The following RADIL variants were observed in gnomAD, a reference collection of about 807,000 sequenced individuals.
RADIL encodes the protein Rap associating with DIL domain.
In RADIL, 99 loss-of-function variants were observed where a neutral mutation model predicts 97.6. The ratio of observed to expected loss-of-function variants is 1.01; its 90% CI spans 0.86 to 1.20. The LOEUF is 1.20. Ranked by LOEUF, RADIL falls within the 50% of genes most tolerant of loss-of-function variation. The pLI is 0.00. For synonymous variants in RADIL, 803 were observed against 691.8 expected, an observed-to-expected ratio of 1.16 and a Z score of -2.52; for missense variants, 1,765 against 1,498.9, an observed-to-expected ratio of 1.18 and a Z score of -2.93.
intron 5 of RADIL, among the ~76,000 whole-genome samples, chr7:4,829,633 T>G (rs182589493): frequency 7.2e-4 from 109 of 152,192 alleles, no homozygotes; most frequent in African/African-American, 2.5e-3. Flanking sequence ...AATTCCCACA[T>G]GTTGTGGGAG....
chr7:4,878,844 C>T lies in RADIL; in HGVS notation c.-64-641G>A, dbSNP rs1197815643. ...CACCATCACAGCCACAGAAGAGCAGCGGGCAGCCCAAGGGCAAAGCTTCGC... is the reference window on the plus strand; with the variant it reads ...CACCATCACAGCCACAGAAGAGCAGTGGGCAGCCCAAGGGCAAAGCTTCGC... On this transcript the variant is annotated intron_variant, in intron 1 of 14. Transcript: ENST00000399583. This position sits in a 1 kb window ranked among gnomAD's most constrained non-coding sequence, Gnocchi z 4.1. Among the ~76,000 whole-genome samples, 1 of 152,238 alleles carries T rather than the reference C, an allele frequency of 6.6e-6. No individual in the cohort carries two copies. The highest frequency in any genetic ancestry group is 1.5e-5 in the Non-Finnish European group (1 of 68,044).
rs1009727586 is a variant in RADIL, at chr7:4,878,231, G to A, written c.-64-28C>T. 1.7e-5 allele frequency: 23 copies of A among 1,329,996 alleles called. No homozygotes were observed. The highest frequency in any genetic ancestry group is 5.1e-5 in the East Asian group (2 of 39,428). The allele number at this position is 1,329,996 out of a possible 1,614,324, so 82.4% of individuals were successfully genotyped here. On this transcript the variant is annotated intron_variant, in intron 1 of 14. Coordinates refer to ENST00000399583, the MANE Select transcript of RADIL (RefSeq NM_018059.5). This position sits in a 1 kb window ranked among gnomAD's most constrained non-coding sequence, Gnocchi z 4.1. ...GGGTGAAAAAGTGAGAGAGGTTAGCGCCAACCATCGTGACCACCAAGAGCA... is the reference window on the plus strand; with the variant it reads ...GGGTGAAAAAGTGAGAGAGGTTAGCACCAACCATCGTGACCACCAAGAGCA...
In RADIL at chr7:4,816,400, G is replaced by C; in HGVS notation, c.1794C>G (p.Ser598Arg). The C allele has an allele frequency of 6.2e-7, 1 of 1,609,258 alleles. No homozygotes were observed. The highest frequency in any genetic ancestry group is 1.1e-5 in the South Asian group (1 of 90,370). Residue 598 changes from serine to arginine, a missense_variant, in exon 8 of 15, where the codon AGC (serine) becomes AGG (arginine). Ser to Arg is a moderately radical substitution (Grantham distance 110, BLOSUM62 -1). Coordinates refer to ENST00000399583, the MANE Select transcript of RADIL (RefSeq NM_018059.5). ...CGGGCAGTTCGGGGGCCGAGGACCA[G>C]CTCTCACGGCGCTCCGTCTGGAATG... ...CPPFQTERRE[S>R]WSSAPELPEE...
rs574701390 is a variant in RADIL, at chr7:4,798,754, G to C, written c.*624C>G. On this transcript the variant is annotated 3_prime_UTR_variant, in exon 15 of 15. Coordinates refer to ENST00000399583, the MANE Select transcript of RADIL (RefSeq NM_018059.5). ...AGCAGGAGTCCTGGGAGAGGAAGCA[G>C]GGCCCAGGGTGGGCTCGGCGCCTCA... 2.0e-5 allele frequency: 3 copies of C among 153,132 alleles called. No homozygotes were observed. The highest frequency in any genetic ancestry group is 7.2e-5 in the African/African-American group (3 of 41,478). 9.5% of individuals were successfully genotyped at this position (153,132 alleles called of 1,614,324 possible). A position where few individuals can be genotyped will look rare whatever the true frequency, so the allele number is the denominator to read the frequency against.
intron 2 of RADIL, among the ~76,000 whole-genome samples, chr7:4,876,947 G>A (rs1197927407): frequency 3.3e-5 from 5 of 152,242 alleles, no homozygotes; most frequent in South Asian, 2.1e-4. Flanking sequence ...AAAACTCCCC[G>A]ACAAGGTCGC....
Position 4,873,877 on chromosome 7 carries a change from G to C in RADIL, c.535+3728C>G, listed in dbSNP as rs763382399. Among the ~76,000 whole-genome samples the C allele has an allele frequency of 1.4e-4, 21 of 152,242 alleles. No individual in the cohort carries two copies. Among genetic ancestry groups the C allele is most frequent in the Admixed American group, 1.4e-3 (21 of 15,284 alleles). ...CGATTCTTCCACGTCACTCCAACCT[G>C]AGGCAGGCTGGCGCCCACGGCTGCT... is the stretch of plus-strand genomic sequence containing the variant. On this transcript the variant is annotated intron_variant, in intron 2 of 14. Coordinates refer to ENST00000399583, the MANE Select transcript of RADIL (RefSeq NM_018059.5). This position sits in a 1 kb window ranked among gnomAD's most constrained non-coding sequence, Gnocchi z 4.3.
rs1784453822 is a variant in RADIL at position 4,880,105 on chromosome 7, G to T, written c.-64-1902C>A. On this transcript the variant is annotated intron_variant, in intron 1 of 14. Transcript: ENST00000399583. The surrounding 1 kb of genome is among the most constrained non-coding windows in gnomAD (Gnocchi z 4.5). Reference sequence around the variant, plus strand: ...CTTCACCACGGCAAAGGCTTTCGCTGTGCCTGGCTTTCTGAAGAGGTGAAT... The same window carrying T: ...CTTCACCACGGCAAAGGCTTTCGCTTTGCCTGGCTTTCTGAAGAGGTGAAT... Among the ~76,000 whole-genome samples, 1 of 152,166 alleles carries T rather than the reference G, an allele frequency of 6.6e-6. No individual in the cohort carries two copies. The highest frequency in any genetic ancestry group is 1.5e-5 in the Non-Finnish European group (1 of 68,030).
At chr7:4,857,056 T>C (rs2115027766) in intron 2 of RADIL, among the ~76,000 whole-genome samples, 1 of 152,364 alleles carries the variant, frequency 6.6e-6, no homozygotes, top group East Asian at 1.9e-4. Flanking sequence ...ATCTGCTTGA[T>C]ATCAATTAAT....
At chr7:4,828,696 C>A (rs1007249248) in intron 5 of RADIL, among the ~76,000 whole-genome samples, 2 of 152,108 alleles carry the variant, frequency 1.3e-5, no homozygotes, top group Non-Finnish European at 2.9e-5. Flanking sequence ...TGACAGATTC[C>A]GTACTGTTCT....
At position 4,842,687 on chromosome 7, in the gene RADIL, T is replaced by C. The variant is rs1181526147; in HGVS notation, c.536-6082A>G. Among the ~76,000 whole-genome samples the C allele has an allele frequency of 1.3e-5, 2 of 152,186 alleles. No homozygotes were observed. The highest frequency in any genetic ancestry group is 4.8e-5 in the African/African-American group (2 of 41,436). ...CTGATCCTGTTTTCTCTTCCCTCCC[T>C]GGCTCTTGATGGTTTGGAATAATGA... On this transcript the variant is annotated intron_variant, in intron 2 of 14. Transcript: ENST00000399583. This position sits in a 1 kb window ranked among gnomAD's most constrained non-coding sequence, Gnocchi z 4.5.
At chr7:4,833,280 CAAGT>C (rs1425478632) in intron 4 of RADIL, among the ~76,000 whole-genome samples, 1 of 152,174 alleles carries the variant, frequency 6.6e-6, no homozygotes, top group Non-Finnish European at 1.5e-5. Flanking sequence ...GTTTGGTTTG[CAAGT>C]AAGTGCCTGG....
chr7:4,812,901 CAT>C (rs1482841208), intron 9 of RADIL, among the ~76,000 whole-genome samples: 4 of 152,204 alleles, frequency 2.6e-5, no homozygotes, highest in South Asian at 2.1e-4. Flanking sequence ...TGTTTTCTAA[CAT>C]ATACATATAA....
At chr7:4,808,869 G>A (rs1290162431) in intron 9 of RADIL, 148 of 902,310 alleles carry the variant, frequency 1.6e-4, no homozygotes, top group Non-Finnish European at 1.8e-4. Flanking sequence ...GCCCCTCCGC[G>A]TCTCCTTCCA....
chr7:4,801,210 G>C (rs964435307), intron 12 of RADIL, among the ~76,000 whole-genome samples: 5 of 151,998 alleles, frequency 3.3e-5, no homozygotes, highest in African/African-American at 4.8e-5. Context: ...ACACGCACCA[G>C]CACACCCATG....
Position 4,799,295 on chromosome 7 carries a change from A to C in RADIL, c.*83T>G, listed in dbSNP as rs1051377844. ...CCGGGACCCAACTTGGTCAGTTACA[A>C]AACAGGGACGAAGGCGGGAGGAAGC... is the stretch of plus-strand genomic sequence containing the variant. On this transcript the variant is annotated 3_prime_UTR_variant, in exon 15 of 15. Transcript: ENST00000399583. 11 of 1,420,470 alleles carry C rather than the reference A, an allele frequency of 7.7e-6. No individual in the cohort carries two copies. The African/African-American group carries it at 1.5e-4, about 20-fold the overall frequency. The allele number at this position is 1,420,470 out of a possible 1,614,324, so 88.0% of individuals were successfully genotyped here.
intron 2 of RADIL, chr7:4,858,958 A>C (rs972645398): frequency 9.9e-5 from 15 of 152,250 alleles, no homozygotes; most frequent in Non-Finnish European, 7.3e-5. Flanking sequence ...GAGCTTTGAT[A>C]GCTCAAAGAA....
intron 1 of RADIL, among the ~76,000 whole-genome samples, chr7:4,881,132 A>C: frequency 1.7e-5 from 2 of 116,404 alleles, no homozygotes; most frequent in Non-Finnish European, 3.5e-5. Flanking sequence ...AAAAAAAAAG[A>C]TGGCTGGGCA....
At chr7:4,846,310 C>G (rs1783571086) in intron 2 of RADIL, among the ~76,000 whole-genome samples, 3 of 151,752 alleles carry the variant, frequency 2.0e-5, no homozygotes, top group Admixed American at 6.6e-5. Flanking sequence ...CCATGCCCAG[C>G]TAATTTTTAT....
intron 4 of RADIL, among the ~76,000 whole-genome samples, chr7:4,832,572 C>G (rs1783175483): frequency 6.6e-6 from 1 of 151,896 alleles, no homozygotes; most frequent in Non-Finnish European, 1.5e-5. Flanking sequence ...AACCCCATCT[C>G]TACTAAAAAT....
Sources: gnomAD v4.1 joint callset for allele counts (sites outside exome capture counted in the v4.1 genomes callset) on GRCh38, gnomAD v4.1.1 for gene constraint, Gnocchi (gnomAD v3.1) non-coding constraint, MANE v1.5 for transcripts, NCBI Gene and HGNC (gene_info 2026-07-23, HGNC 2026-07-21) for gene names.